The following ULK4 variants were observed in gnomAD, a reference collection of about 807,000 sequenced individuals.
ULK4 encodes unc-51 like kinase 4.
A neutral mutation model predicts 160.6 loss-of-function variants in ULK4; 133 were observed. The ratio of observed to expected loss-of-function variants is 0.83; its 90% confidence interval spans 0.72 to 0.96. ULK4 has a LOEUF of 0.96. Among genes scored for constraint, ULK4 ranks in the 40% least tolerant of loss-of-function variants. ULK4 has a pLI of 0.00. For synonymous variants in ULK4, 534 were observed against 539.8 expected (o/e 0.99, Z 0.15); for missense variants, 1,580 against 1,499.5 (o/e 1.05, Z -0.89).
At chr3:41,833,253 T>G (rs1171461630) in intron 18 of ULK4, among the ~76,000 whole-genome samples, 1 of 151,790 alleles carries the variant, frequency 6.6e-6, no homozygotes, top group Non-Finnish European at 1.5e-5. Flanking sequence ...TCCTGTCCCT[T>G]GTTAGCTGTA....
chr3:41,854,538 C>A (rs940923089), intron 17 of ULK4, among the ~76,000 whole-genome samples: 1 of 152,102 alleles, frequency 6.6e-6, no homozygotes, highest in Non-Finnish European at 1.5e-5. Context: ...CAAGAATCAA[C>A]GGTAAATTGA....
rs2079648901 is a variant in ULK4 at position 41,295,335 on chromosome 3, C to T, written c.3679-45761G>A. On this transcript the variant is annotated intron_variant, in intron 35 of 36. Transcript: ENST00000301831. ...ACCTAAATGTAAAATGCAAGACTTA[C>T]AGACCTCAATGTGAAATGCAAAACT... 2.2e-5 allele frequency among the ~76,000 whole-genome samples: 3 copies of T among 133,980 alleles called. 1 individual carries two copies. The South Asian group carries it at 7.6e-4, about 34-fold the overall frequency. 87.9% of individuals were successfully genotyped at this position (133,980 alleles called of 152,430 possible). A position where few individuals can be genotyped will look rare whatever the true frequency, so the allele number is the denominator to read the frequency against.
chr3:41,726,933 T>C (rs1842986), intron 22 of ULK4, among the ~76,000 whole-genome samples: 152,138 of 152,342 alleles, frequency 1, 75,967 homozygotes, highest in Middle Eastern at 1. Context: ...CAGGCATGAG[T>C]CACTGTGCCT....
intron 18 of ULK4, among the ~76,000 whole-genome samples, chr3:41,830,414 A>G (rs962456215): frequency 8.5e-5 from 13 of 152,146 alleles, no homozygotes; most frequent in African/African-American, 3.1e-4. Context: ...ACAAGTCTAT[A>G]TAAAGAAAGC....
intron 29 of ULK4, among the ~76,000 whole-genome samples, chr3:41,664,180 T>C (rs535532462): frequency 4.1e-4 from 62 of 152,168 alleles, no homozygotes; most frequent in Non-Finnish European, 7.8e-4. Flanking sequence ...GTAAAACAAC[T>C]AGTATTGAGC....
At chr3:41,683,669 A>C (rs183436123) in intron 27 of ULK4, among the ~76,000 whole-genome samples, 1 of 150,728 alleles carries the variant, frequency 6.6e-6, no homozygotes, top group East Asian at 2.0e-4. Flanking sequence ...AACTTAATTG[A>C]CTCAGTCTGA....
intron 7 of ULK4, among the ~76,000 whole-genome samples, chr3:41,917,402 G>T (rs939399783): frequency 1.3e-5 from 2 of 152,062 alleles, no homozygotes; most frequent in African/African-American, 4.8e-5. Flanking sequence ...TACTTGGGAG[G>T]TTGACTGCAC....
At chr3:41,931,215 G>A (rs1028425360) in intron 5 of ULK4, among the ~76,000 whole-genome samples, 10 of 152,098 alleles carry the variant, frequency 6.6e-5, no homozygotes, top group African/African-American at 2.4e-4. Flanking sequence ...ATCATTCTCA[G>A]CAAACTATCA....
At chr3:41,464,561 C>T (rs2125880481) in intron 32 of ULK4, among the ~76,000 whole-genome samples, 1 of 152,300 alleles carries the variant, frequency 6.6e-6, no homozygotes, top group African/African-American at 2.4e-5. Flanking sequence ...CACTGCACCA[C>T]CAGGCATTCT....
chr3:41,628,612 T>A (rs1373460157), intron 30 of ULK4, among the ~76,000 whole-genome samples: 1 of 152,178 alleles, frequency 6.6e-6, no homozygotes, highest in Admixed American at 6.5e-5. Context: ...TGTTCCAGAC[T>A]AAGGAGACAG....
chr3:41,763,445 A>C (rs1253224736), intron 21 of ULK4, among the ~76,000 whole-genome samples: 1 of 152,220 alleles, frequency 6.6e-6, no homozygotes, highest in African/African-American at 2.4e-5. Context: ...GGAGATAGCA[A>C]AGATAAACAA....
intron 35 of ULK4, among the ~76,000 whole-genome samples, chr3:41,376,515 T>C (rs367894989): frequency 2.0e-5 from 3 of 149,852 alleles, no homozygotes; most frequent in Admixed American, 6.6e-5. Context: ...TGATAAGCAA[T>C]TTCAGCAAAG....
chr3:41,520,008 C>T (rs563419831), intron 32 of ULK4, among the ~76,000 whole-genome samples: 71 of 152,272 alleles, frequency 4.7e-4, no homozygotes, highest in African/African-American at 1.5e-3. Context: ...GAACAAAAGA[C>T]ACGTGTGTCA....
chr3:41,274,921 TCTG>T (rs1191850811), intron 35 of ULK4, among the ~76,000 whole-genome samples: 25 of 152,178 alleles, frequency 1.6e-4, no homozygotes, highest in African/African-American at 6.0e-4. Flanking sequence ...GCTACCCGAC[TCTG>T]CTAAGCCTTT....
chr3:41,884,614 CT>C (rs1697651172), intron 16 of ULK4, among the ~76,000 whole-genome samples: 2 of 152,160 alleles, frequency 1.3e-5, no homozygotes, highest in Non-Finnish European at 2.9e-5. Flanking sequence ...GAAAACTGCA[CT>C]CTTATTTAGT....
intron 32 of ULK4, among the ~76,000 whole-genome samples, chr3:41,526,170 G>A (rs1302166998): frequency 7.2e-6 from 1 of 139,836 alleles, no homozygotes; most frequent in Non-Finnish European, 1.6e-5. Flanking sequence ...ATCTCTTACA[G>A]ACTATGTATG....
chr3:41,555,395 A>G (rs1159096966), intron 32 of ULK4, among the ~76,000 whole-genome samples: 1 of 152,166 alleles, frequency 6.6e-6, no homozygotes, highest in East Asian at 1.9e-4. Context: ...AAAGGAAGAC[A>G]TACATGAAAC....
At chr3:41,890,078 G>A (rs1409128893) in intron 16 of ULK4, among the ~76,000 whole-genome samples, 3 of 152,230 alleles carry the variant, frequency 2.0e-5, no homozygotes, top group Non-Finnish European at 2.9e-5. Context: ...AAGTAGATGA[G>A]TGGTTGCCAG....
intron 33 of ULK4, among the ~76,000 whole-genome samples, chr3:41,462,800 G>A (rs1365023820): frequency 1.3e-5 from 2 of 152,154 alleles, no homozygotes; most frequent in African/African-American, 4.8e-5. Context: ...AACCTAGGAT[G>A]TGCCTAAGGC....
Sources: gnomAD v4.1 joint callset for allele counts (sites outside exome capture counted in the v4.1 genomes callset) on GRCh38, gnomAD v4.1.1 for gene constraint, MANE v1.5 for transcripts, NCBI Gene and HGNC (gene_info 2026-07-23, HGNC 2026-07-21) for gene names.